Variants in ZC4H2 observed in about 807,000 individuals in gnomAD.
The protein encoded by ZC4H2 is zinc finger C4H2 domain-containing protein.
For missense variants in ZC4H2, 137 were observed against 173.9 expected, an observed-to-expected ratio of 0.79 and a Z score of 1.19; for synonymous variants, 84 against 66.3, an observed-to-expected ratio of 1.27 and a Z score of -1.30.
intron 1 of ZC4H2, among the ~76,000 whole-genome samples, chrX:65,018,182 C>T (rs1336435773): frequency 1.8e-5 from 2 of 112,551 alleles, no homozygotes; most frequent in African/African-American, 6.4e-5. Context: ...AGACACTTCT[C>T]AAAAGACGAC....
At chrX:64,941,248 T>C (rs998790133) in intron 1 of ZC4H2, among the ~76,000 whole-genome samples, 21 of 112,391 alleles carry the variant, frequency 1.9e-4, no homozygotes, top group Admixed American at 5.7e-4. Context: ...TGATTTTCTA[T>C]CCTGAGACTT....
intron 1 of ZC4H2, among the ~76,000 whole-genome samples, chrX:64,958,355 C>CA (rs1931240999): frequency 9.0e-6 from 1 of 111,607 alleles, no homozygotes; most frequent in African/African-American, 3.3e-5. Flanking sequence ...TTCACTGAAA[C>CA]ATCATTATAT....
chrX:64,951,080 G>C (rs1279997224), intron 1 of ZC4H2, among the ~76,000 whole-genome samples: 1 of 111,229 alleles, frequency 9.0e-6, no homozygotes, highest in Admixed American at 9.6e-5. Context: ...CCTTGCGATA[G>C]TTTACTGAGA....
In ZC4H2 at chrX:64,918,943, C is replaced by T. The variant is rs1335863246; in HGVS notation, c.561+99G>A. On this transcript the variant is annotated intron_variant, in intron 4 of 4. Coordinates refer to ENST00000374839, the MANE Select transcript of ZC4H2 (RefSeq NM_018684.4). ...ACAAGCAAAGGCCATTAAAAGAAGG[C>T]CCAGCATAAATAAAGCCAAAGACCC... 3 of 1,038,205 alleles carry T rather than the reference C, an allele frequency of 2.9e-6. No homozygotes were observed. In the African/African-American group the frequency reaches 5.7e-5, roughly 20 times the overall value. The allele number at this position is 1,038,205 out of a possible 1,213,427, so 85.6% of individuals were successfully genotyped here.
chrX:64,998,221 T>G (rs1169925570), intron 1 of ZC4H2, among the ~76,000 whole-genome samples: 1 of 111,802 alleles, frequency 8.9e-6, no homozygotes, highest in East Asian at 2.8e-4. Flanking sequence ...AGGCAGAGAT[T>G]GGCAGAATGT....
intron 1 of ZC4H2, among the ~76,000 whole-genome samples, chrX:64,994,104 T>C (rs1016435110): frequency 2.7e-5 from 3 of 112,673 alleles, no homozygotes; most frequent in African/African-American, 6.4e-5. Context: ...TATGGAAACA[T>C]AACTTCACTT....
chrX:64,944,141 CT>C lies in ZC4H2; in HGVS notation c.54-22154del, dbSNP rs746540220. 1.9e-3 allele frequency among the ~76,000 whole-genome samples: 169 copies of C among 89,122 alleles called. 1 individual carries two copies. The highest frequency in any genetic ancestry group is 6.1e-3 in the East Asian group (18 of 2,945). The allele number at this position is 89,122 out of a possible 115,157, so 77.4% of individuals were successfully genotyped here. A position where few individuals can be genotyped will look rare whatever the true frequency, so the allele number is the denominator to read the frequency against. ...CTGGGTTAAAATTTTTTTCTTTTTT[CT>C]TTTTTTTTTTTTTTTTGAGATGGAG... is the stretch of plus-strand genomic sequence containing the variant. On this transcript the variant is annotated intron_variant, in intron 1 of 4. Coordinates refer to ENST00000374839, the MANE Select transcript of ZC4H2 (RefSeq NM_018684.4).
At chrX:64,975,667 GC>G (rs1210437189) in intron 1 of ZC4H2, among the ~76,000 whole-genome samples, 1 of 111,623 alleles carries the variant, frequency 9.0e-6, no homozygotes, top group Non-Finnish European at 1.9e-5. Context: ...CTCCCACTTT[GC>G]CAGCCCGCCT....
In ZC4H2 at chrX:64,917,587, A is replaced by G; in HGVS notation, c.*196T>C. 1 of 538,317 alleles carries G rather than the reference A, an allele frequency of 1.9e-6. No individual in the cohort carries two copies. The highest frequency in any genetic ancestry group is 3.2e-5 in the South Asian group (1 of 31,050). The allele number at this position is 538,317 out of a possible 1,213,427, so 44.4% of individuals were successfully genotyped here. Reference sequence around the variant, plus strand: ...CATCAGACACACTGTTTAGCACCTGAACCACATCTCTTCCTAAACCAGAAA... The same window carrying G: ...CATCAGACACACTGTTTAGCACCTGGACCACATCTCTTCCTAAACCAGAAA... On this transcript the variant is annotated 3_prime_UTR_variant, in exon 5 of 5. Coordinates refer to ENST00000374839, the MANE Select transcript of ZC4H2 (RefSeq NM_018684.4).
At chrX:64,953,482 A>T (rs1471732143) in intron 1 of ZC4H2, among the ~76,000 whole-genome samples, 3 of 112,286 alleles carry the variant, frequency 2.7e-5, no homozygotes, top group African/African-American at 6.5e-5. Flanking sequence ...CAAGGAAAAA[A>T]CAAAGAACCC....
chrX:64,999,790 C>A (rs1222170621), intron 1 of ZC4H2, among the ~76,000 whole-genome samples: 1 of 111,998 alleles, frequency 8.9e-6, no homozygotes, highest in African/African-American at 3.2e-5. Context: ...CTTGAGTAGG[C>A]ACTTATCCCC....
chrX:64,974,937 G>A (rs1931894234), intron 1 of ZC4H2, among the ~76,000 whole-genome samples: 1 of 93,494 alleles, frequency 1.1e-5, no homozygotes, highest in African/African-American at 4.2e-5. Flanking sequence ...CTGTACTAAG[G>A]TGTCTCACTT....
intron 1 of ZC4H2, among the ~76,000 whole-genome samples, chrX:64,960,955 T>C (rs762479366): frequency 9.0e-6 from 1 of 111,683 alleles, no homozygotes; most frequent in East Asian, 2.8e-4. Flanking sequence ...TTTATATGTC[T>C]GTAAGGTCCA....
chrX:65,023,471 G>A (rs749983406), intron 1 of ZC4H2, among the ~76,000 whole-genome samples: 32 of 111,934 alleles, frequency 2.9e-4, no homozygotes, highest in Non-Finnish European at 5.8e-4. Context: ...TTTCTCAAAA[G>A]AAGACATTTA....
chrX:64,964,553 AT>A (rs1465695202), intron 1 of ZC4H2, among the ~76,000 whole-genome samples: 4 of 111,711 alleles, frequency 3.6e-5, no homozygotes, highest in African/African-American at 9.7e-5. Context: ...CCAATATAGA[AT>A]TATTTACCCA....
Position 64,930,126 on chromosome X carries a change from C to T in ZC4H2, c.54-8138G>A, listed in dbSNP as rs182646215. 1.3e-3 allele frequency among the ~76,000 whole-genome samples: 141 copies of T among 110,944 alleles called. 1 individual carries two copies. The highest frequency in any genetic ancestry group is 9.8e-3 in the Admixed American group (102 of 10,404). On this transcript the variant is annotated intron_variant, in intron 1 of 4. Transcript: ENST00000374839. ...AAATATCTTATTATTATTATTTTTGCGGCTGTTGTAAAATGGGTTGACTTC... is the reference window on the plus strand; with the variant it reads ...AAATATCTTATTATTATTATTTTTGTGGCTGTTGTAAAATGGGTTGACTTC...
intron 1 of ZC4H2, among the ~76,000 whole-genome samples, chrX:64,992,941 T>C (rs1346355905): frequency 9.0e-6 from 1 of 111,210 alleles, no homozygotes. Context: ...CTTGGCTTCC[T>C]GACACACCTA....
At chrX:64,985,788 G>A (rs1327578271) in intron 1 of ZC4H2, among the ~76,000 whole-genome samples, 1 of 111,745 alleles carries the variant, frequency 8.9e-6, no homozygotes, top group Non-Finnish European at 1.9e-5. Context: ...ATGGCAAGCA[G>A]AGGCATGCTG....
At position 64,985,447 on chromosome X, in the gene ZC4H2, A is replaced by C. The variant is rs916112951; in HGVS notation, c.-272+49182T>G. Among the ~76,000 whole-genome samples, 18 of 111,624 alleles carry C rather than the reference A, an allele frequency of 1.6e-4. 1 individual carries two copies. The highest frequency in any genetic ancestry group is 1.1e-3 in the Admixed American group (12 of 10,498). On this transcript the variant is annotated intron_variant, in intron 1 of 4. Coordinates refer to the ZC4H2 transcript ENST00000337990. The stretch of plus-strand genomic sequence containing the variant: ...ATTTCTCCGATTATTTCTGATGTTG[A>C]AAATTTCTTCATATGCTTGTTTGCT...
Sources: allele counts gnomAD v4.1 joint callset (sites outside exome capture counted in the v4.1 genomes callset), GRCh38; gene constraint gnomAD v4.1.1; transcripts MANE v1.5; gene names NCBI Gene and HGNC (gene_info 2026-07-23, HGNC 2026-07-21).